The following SOX5 variants were observed in gnomAD, a reference collection of about 807,000 sequenced individuals.
The protein encoded by SOX5 is transcription factor SOX-5.
SOX5 carries 9 observed loss-of-function variants against 92.0 expected under a neutral mutation model. The ratio of observed to expected loss-of-function variants is 0.10; its 90% CI spans 0.06 to 0.17. The LOEUF (loss-of-function observed/expected upper bound fraction) is 0.17, where lower values mean the gene tolerates loss of function less well. SOX5 is among the 10% of genes least tolerant of loss of function. The pLI is 1.00. For missense variants in SOX5, 642 were observed against 944.5 expected (o/e 0.68, Z 4.20); for synonymous variants, 344 against 336.3 (o/e 1.02, Z -0.25).
chr12:24,193,801 C>G lies in SOX5; in HGVS notation c.-2+19542G>C, dbSNP rs867294212. Among the ~76,000 whole-genome samples, 13 of 152,244 alleles carry G rather than the reference C, an allele frequency of 8.5e-5. No homozygotes were observed. The Middle Eastern group carries it at 0.01, about 120-fold the overall frequency. On this transcript the variant is annotated intron_variant, in intron 4 of 4. Coordinates refer to the SOX5 transcript ENST00000446891. ...AGTGCAAGTGAAATTTGGAACACTG[C>G]CAACGTTTTCAAGAACTTATAATTT...
chr12:23,610,008 G>A (rs2075763292), intron 8 of SOX5, among the ~76,000 whole-genome samples: 1 of 152,094 alleles, frequency 6.6e-6, no homozygotes, highest in Admixed American at 6.6e-5. Flanking sequence ...AAAAGGTCTG[G>A]CAGGATAACA....
chr12:24,262,197 C>T (rs111614386), intron 3 of SOX5, among the ~76,000 whole-genome samples: 3 of 152,084 alleles, frequency 2.0e-5, no homozygotes, highest in African/African-American at 7.2e-5. Flanking sequence ...AATTCTGCAA[C>T]GAACGAAATT....
intron 9 of SOX5, among the ~76,000 whole-genome samples, chr12:23,581,087 C>G (rs1949978132): frequency 6.6e-6 from 1 of 151,786 alleles, no homozygotes; most frequent in South Asian, 2.1e-4. Context: ...GTACAAATAC[C>G]AAATGATTTA....
chr12:23,743,643 C>G (rs1256739649), intron 4 of SOX5, among the ~76,000 whole-genome samples: 1 of 152,134 alleles, frequency 6.6e-6, no homozygotes, highest in Non-Finnish European at 1.5e-5. Flanking sequence ...CTTCCACACT[C>G]AGAAAAAACT....
intron 1 of SOX5, among the ~76,000 whole-genome samples, chr12:23,937,753 T>C (rs1173386802): frequency 6.6e-6 from 1 of 150,898 alleles, no homozygotes; most frequent in Non-Finnish European, 1.5e-5. Context: ...GAAGAGATTA[T>C]GGAGGGAACA....
chr12:23,784,960 T>C (rs1156615976), intron 3 of SOX5, among the ~76,000 whole-genome samples: 2 of 152,156 alleles, frequency 1.3e-5, no homozygotes, highest in Admixed American at 6.5e-5. Context: ...CACATGCATG[T>C]AGTTCCAGCT....
At chr12:24,043,000 G>A (rs916589945) in intron 4 of SOX5, among the ~76,000 whole-genome samples, 1 of 152,138 alleles carries the variant, frequency 6.6e-6, no homozygotes, top group South Asian at 2.1e-4. Context: ...ATTAGTAGAG[G>A]AGAGACTGGA....
At chr12:24,351,198 T>C (rs1269032615) in intron 2 of SOX5, among the ~76,000 whole-genome samples, 1 of 152,214 alleles carries the variant, frequency 6.6e-6, no homozygotes, top group Non-Finnish European at 1.5e-5. Flanking sequence ...ACCATCTATC[T>C]ACTGTCTTGT....
chr12:23,710,229 G>A (rs1169062979), intron 6 of SOX5, among the ~76,000 whole-genome samples: 1 of 151,896 alleles, frequency 6.6e-6, no homozygotes, highest in Non-Finnish European at 1.5e-5. Context: ...TATTTTCAGT[G>A]CAATATATGA....
chr12:23,681,330 T>C (rs1185927685), intron 6 of SOX5, among the ~76,000 whole-genome samples: 1 of 151,704 alleles, frequency 6.6e-6, no homozygotes, highest in Non-Finnish European at 1.5e-5. Context: ...TAAAAATTAA[T>C]ACATAAAAAT....
intron 4 of SOX5, among the ~76,000 whole-genome samples, chr12:24,046,445 C>A (rs1957034226): frequency 6.6e-6 from 1 of 152,002 alleles, no homozygotes; most frequent in Admixed American, 6.6e-5. Flanking sequence ...AGTTATCTGG[C>A]AGAAGAATTT....
chr12:23,993,327 G>A (rs564780049), intron 4 of SOX5, among the ~76,000 whole-genome samples: 140 of 152,208 alleles, frequency 9.2e-4, no homozygotes, highest in African/African-American at 3.2e-3. Context: ...TTGGTAAATC[G>A]GAGTATTAAT....
intron 3 of SOX5, among the ~76,000 whole-genome samples, chr12:24,238,503 C>G (rs1429142540): frequency 6.6e-6 from 1 of 152,110 alleles, no homozygotes; most frequent in Non-Finnish European, 1.5e-5. Context: ...AAGCACATGC[C>G]GCCAATGTCC....
At chr12:23,857,190 G>GTCAT (rs1256712264) in intron 2 of SOX5, among the ~76,000 whole-genome samples, 9 of 152,124 alleles carry the variant, frequency 5.9e-5, no homozygotes, top group African/African-American at 2.2e-4. Context: ...ATATAGGAGA[G>GTCAT]TCATTTCATG....
rs564574384 is a variant in SOX5 at position 24,068,033 on chromosome 12, T to G, written c.-2+145310A>C. 5.3e-5 allele frequency among the ~76,000 whole-genome samples: 8 copies of G among 152,258 alleles called. 1 individual carries two copies. The highest frequency in any genetic ancestry group is 1.7e-4 in the African/African-American group (7 of 41,562). On this transcript the variant is annotated intron_variant, in intron 4 of 4. Coordinates refer to the SOX5 transcript ENST00000446891. The stretch of plus-strand genomic sequence containing the variant: ...GGTGGTGTGCGCCTGTAGTCCCAGC[T>G]ACTCGGGAGGCTGAGGCAGGAGAAT...
At chr12:24,446,450 T>C (rs1941484917) in intron 1 of SOX5, among the ~76,000 whole-genome samples, 1 of 152,078 alleles carries the variant, frequency 6.6e-6, no homozygotes, top group African/African-American at 2.4e-5. Flanking sequence ...TTAGTATTTG[T>C]AAGGAACAGA....
chr12:24,187,892 G>T (rs1250488821), intron 4 of SOX5, among the ~76,000 whole-genome samples: 1 of 152,128 alleles, frequency 6.6e-6, no homozygotes, highest in Non-Finnish European at 1.5e-5. Context: ...CTTTAAAATG[G>T]CCTATTAATA....
At chr12:24,254,981 A>G (rs1230426347) in intron 3 of SOX5, among the ~76,000 whole-genome samples, 2 of 152,084 alleles carry the variant, frequency 1.3e-5, no homozygotes, top group Admixed American at 6.6e-5. Flanking sequence ...AACTATTAAT[A>G]TACCACAGAC....
chr12:24,249,657 C>T (rs1351911515), intron 3 of SOX5, among the ~76,000 whole-genome samples: 1 of 152,160 alleles, frequency 6.6e-6, no homozygotes, highest in Admixed American at 6.5e-5. Flanking sequence ...CATGGCATCA[C>T]AAAGAGGGTG....
Sources: allele counts gnomAD v4.1 joint callset (sites outside exome capture counted in the v4.1 genomes callset), GRCh38; gene constraint gnomAD v4.1.1; transcripts MANE v1.5; gene names NCBI Gene and HGNC (gene_info 2026-07-23, HGNC 2026-07-21).